The following AP3S1 variants were observed in gnomAD, a reference collection of about 807,000 sequenced individuals.
AP3S1 encodes adaptor related protein complex 3 subunit sigma 1.
In AP3S1, 12 loss-of-function variants were observed where a neutral mutation model predicts 21.3. The observed-to-expected ratio is 0.56, with a 90% CI of 0.36 to 0.91. The LOEUF is 0.91. AP3S1 is among the 40% of genes least tolerant of loss of function. AP3S1 has a pLI of 0.01. For missense variants in AP3S1, 116 were observed against 225.0 expected, an observed-to-expected ratio of 0.52 and a Z score of 3.10; for synonymous variants, 48 against 78.4, an observed-to-expected ratio of 0.61 and a Z score of 2.05.
intron 1 of AP3S1, among the ~76,000 whole-genome samples, chr5:115,849,137 A>C (rs575644142): frequency 6.6e-6 from 1 of 152,300 alleles, no homozygotes; most frequent in Admixed American, 6.5e-5. Flanking sequence ...AGCACTAGTA[A>C]TACAGTGATA....
chr5:115,906,748 T>C (rs1751687309), intron 5 of AP3S1: 2 of 1,211,108 alleles, frequency 1.7e-6, no homozygotes, highest in Non-Finnish European at 2.2e-6. Context: ...AGTCACTACT[T>C]TTTGAAAGTC....
intron 3 of AP3S1, among the ~76,000 whole-genome samples, chr5:115,873,905 G>T (rs1053246813): frequency 6.6e-6 from 1 of 152,018 alleles, no homozygotes; most frequent in Non-Finnish European, 1.5e-5. Flanking sequence ...TTATAATTTT[G>T]ATATTTTAAA....
At chr5:115,903,032 A>G in intron 5 of AP3S1, 40 bp downstream of exon 5, 1 of 1,123,812 alleles carries the variant, frequency 8.9e-7, no homozygotes, top group Middle Eastern at 2.2e-4. Context: ...GGTTCTAAGC[A>G]TGATGACAGA....
intron 5 of AP3S1, among the ~76,000 whole-genome samples, chr5:115,905,308 A>G (rs1378995609): frequency 6.6e-6 from 1 of 152,252 alleles, no homozygotes; most frequent in Admixed American, 6.5e-5. Context: ...GGAAATAGTT[A>G]TAAGAATACT....
intron 1 of AP3S1, among the ~76,000 whole-genome samples, chr5:115,852,453 T>C (rs1762504066): frequency 6.6e-6 from 1 of 152,028 alleles, no homozygotes; most frequent in Admixed American, 6.5e-5. Flanking sequence ...TTAAAAAAAA[T>C]CTTAATTAAA....
rs141592493 is a variant in AP3S1 at position 115,869,959 on chromosome 5, C to G, written c.162-58C>G. On this transcript the variant is annotated intron_variant, in intron 2 of 5. Transcript: ENST00000316788. Reference sequence around the variant, plus strand: ...TAAACAAATTGTCAGTTTGCTTGAGCTAATGAAAATGATTCGCATTTTGTT... The same window carrying G: ...TAAACAAATTGTCAGTTTGCTTGAGGTAATGAAAATGATTCGCATTTTGTT... 90 of 1,073,200 alleles carry G rather than the reference C, an allele frequency of 8.4e-5. No homozygotes were observed. In the African/African-American group the frequency reaches 1.3e-3, roughly 15 times the overall value. The allele number at this position is 1,073,200 out of a possible 1,614,324, so 66.5% of individuals were successfully genotyped here.
At chr5:115,906,711 T>C in intron 5 of AP3S1, 1 of 771,544 alleles carries the variant, frequency 1.3e-6, no homozygotes, top group Non-Finnish European at 1.9e-6. Context: ...CATGTTATTC[T>C]TAAGATGGAT....
intron 3 of AP3S1, among the ~76,000 whole-genome samples, chr5:115,882,902 A>G (rs947545485): frequency 1.3e-5 from 2 of 152,106 alleles, no homozygotes; most frequent in South Asian, 4.1e-4. Context: ...CCCTGCTCAG[A>G]GAGGAGTAAT....
At chr5:115,901,982 T>G (rs1159540377) in intron 4 of AP3S1, among the ~76,000 whole-genome samples, 3 of 152,246 alleles carry the variant, frequency 2.0e-5, no homozygotes, top group Admixed American at 1.3e-4. Context: ...CTTACATAAA[T>G]TATTTATTTA....
chr5:115,905,595 C>A (rs1751581694), intron 5 of AP3S1, among the ~76,000 whole-genome samples: 1 of 152,138 alleles, frequency 6.6e-6, no homozygotes, highest in South Asian at 2.1e-4. Flanking sequence ...TAGCCCTGAT[C>A]ATCTTTTTAA....
At chr5:115,842,991 T>A (rs1044226670) in intron 1 of AP3S1, among the ~76,000 whole-genome samples, 2 of 119,226 alleles carry the variant, frequency 1.7e-5, no homozygotes, top group Non-Finnish European at 3.4e-5. Context: ...ACTTCTCTTT[T>A]AACGTGTAAA....
At chr5:115,856,989 C>A (rs61381571) in intron 1 of AP3S1, among the ~76,000 whole-genome samples, 4 of 152,144 alleles carry the variant, frequency 2.6e-5, no homozygotes, top group African/African-American at 9.6e-5. Flanking sequence ...CACCACCAGC[C>A]GCTGGTAACC....
In AP3S1 at chr5:115,888,344, T is replaced by TAAGACTC. The variant is rs150163507; in HGVS notation, c.274-6743_274-6742insAAGACTC. ...CCATCGAGACTCTAATTTTTCCCCC[T>TAAGACTC]TAATTTCTTCACTTCAGATTGTCAG... On this transcript the variant is annotated intron_variant, in intron 3 of 5. Transcript: ENST00000316788. 2.5e-3 allele frequency among the ~76,000 whole-genome samples: 374 copies of TAAGACTC among 152,262 alleles called. 2 individuals are homozygous for TAAGACTC. Among genetic ancestry groups the TAAGACTC allele is most frequent in the African/African-American group, 8.7e-3 (361 of 41,568 alleles).
chr5:115,883,715 A>G (rs532764190), intron 3 of AP3S1, among the ~76,000 whole-genome samples: 4 of 152,348 alleles, frequency 2.6e-5, no homozygotes, highest in Non-Finnish European at 4.4e-5. Flanking sequence ...CAAAATATCA[A>G]TCATACCATA....
intron 1 of AP3S1, among the ~76,000 whole-genome samples, chr5:115,850,702 T>G (rs114737100): frequency 0.019 from 2,830 of 152,290 alleles, 77 homozygotes; most frequent in African/African-American, 0.064. Context: ...TTCCGTAATT[T>G]TTAAGGCGGA....
At chr5:115,858,934 A>T (rs926259657) in intron 1 of AP3S1, among the ~76,000 whole-genome samples, 1 of 150,810 alleles carries the variant, frequency 6.6e-6, no homozygotes, top group Non-Finnish European at 1.5e-5. Flanking sequence ...AAAAAAATTT[A>T]TTTATTTTTT....
intron 3 of AP3S1, among the ~76,000 whole-genome samples, chr5:115,871,169 G>A (rs1748207569): frequency 1.3e-5 from 2 of 152,132 alleles, no homozygotes; most frequent in South Asian, 4.1e-4. Context: ...ATTTTCCAGG[G>A]CTGTTTGATA....
At chr5:115,874,723 T>G (rs137917904) in intron 3 of AP3S1, among the ~76,000 whole-genome samples, 203 of 152,306 alleles carry the variant, frequency 1.3e-3, no homozygotes, top group African/African-American at 4.7e-3. Context: ...CTAATGCTCA[T>G]TTAGTATGAT....
rs1278483198 is a variant in AP3S1, at chr5:115,867,450, A to G, written c.161+689A>G. On this transcript the variant is annotated intron_variant, in intron 2 of 5. Coordinates refer to ENST00000316788, the MANE Select transcript of AP3S1 (RefSeq NM_001284.4). ...AAATACTTTTAAACTAATAACTTCCATGAAAATGGTTTGTTCTCAAACATA... is the reference window on the plus strand; with the variant it reads ...AAATACTTTTAAACTAATAACTTCCGTGAAAATGGTTTGTTCTCAAACATA... Among the ~76,000 whole-genome samples, 3 of 152,316 alleles carry G rather than the reference A, an allele frequency of 2.0e-5. No homozygotes were observed. In the East Asian group the frequency reaches 5.8e-4, roughly 29 times the overall value.
Sources: gnomAD v4.1 joint callset for allele counts (sites outside exome capture counted in the v4.1 genomes callset) on GRCh38, gnomAD v4.1.1 for gene constraint, MANE v1.5 for transcripts, NCBI Gene and HGNC (gene_info 2026-07-23, HGNC 2026-07-21) for gene names.